PDS5B: variants seen among roughly 807,000 people sequenced by gnomAD.
PDS5B encodes PDS5 cohesin associated factor B.
Under a neutral mutation model 184.1 loss-of-function variants are expected in PDS5B, and 51 were observed. The ratio of observed to expected loss-of-function variants is 0.28; its 90% CI spans 0.22 to 0.35. The LOEUF (loss-of-function observed/expected upper bound fraction) is 0.35. PDS5B is among the 10% of genes least tolerant of loss of function. The pLI is 1.00. For synonymous variants in PDS5B, 566 were observed against 569.2 expected, an observed-to-expected ratio of 0.99 and a Z score of 0.08; for missense variants, 1,180 against 1,723.3, an observed-to-expected ratio of 0.68 and a Z score of 5.58.
At chr13:32,616,383 C>T (rs1485986454) in intron 1 of PDS5B, among the ~76,000 whole-genome samples, 1 of 152,116 alleles carries the variant, frequency 6.6e-6, no homozygotes, top group Non-Finnish European at 1.5e-5. Flanking sequence ...TTTTTTTATA[C>T]TTTAAAAACA....
chr13:32,698,172 A>T (rs1353531949), intron 15 of PDS5B, among the ~76,000 whole-genome samples: 1 of 151,918 alleles, frequency 6.6e-6, no homozygotes, highest in East Asian at 1.9e-4. Context: ...TTTCATTGTC[A>T]TATATGTTTA....
chr13:32,614,843 G>T lies in PDS5B; in HGVS notation c.-20+28250G>T, dbSNP rs141824751. On this transcript the variant is annotated intron_variant, in intron 1 of 34. Coordinates refer to ENST00000315596, the MANE Select transcript of PDS5B (RefSeq NM_015032.4). Reference sequence around the variant, plus strand: ...ACCTACTCATGTGACTGATTTTCTTGTATCTTCCTCTTAATCCTGTTGGAA... The same window carrying T: ...ACCTACTCATGTGACTGATTTTCTTTTATCTTCCTCTTAATCCTGTTGGAA... Among the ~76,000 whole-genome samples, 1,139 of 152,178 alleles carry T rather than the reference G, an allele frequency of 7.5e-3. 20 individuals are homozygous for T. The highest frequency in any genetic ancestry group is 0.025 in the African/African-American group (1,056 of 41,526).
chr13:32,656,348 GTAGT>G (rs1294713946), intron 3 of PDS5B, among the ~76,000 whole-genome samples: 1 of 133,782 alleles, frequency 7.5e-6, no homozygotes, highest in Non-Finnish European at 1.6e-5. Context: ...ACATTTTAAG[GTAGT>G]TTTTTCTAAT....
At chr13:32,631,676 TTGTGAAAATTAGGAGTTC>T (rs2058457968) in intron 1 of PDS5B, among the ~76,000 whole-genome samples, 1 of 152,224 alleles carries the variant, frequency 6.6e-6, no homozygotes, top group Non-Finnish European at 1.5e-5. Flanking sequence ...TGACAGTTTT[TTGTGAAAATTAGGAGTTC>T]TTACCTAAGT....
At chr13:32,635,811 A>G (rs1439085681) in intron 1 of PDS5B, among the ~76,000 whole-genome samples, 1 of 136,158 alleles carries the variant, frequency 7.3e-6, no homozygotes, top group African/African-American at 2.8e-5. Context: ...TCTGTCGCCC[A>G]GGCTGGAAGT....
chr13:32,607,688 CTGGGG>C (rs57394284), intron 1 of PDS5B, among the ~76,000 whole-genome samples: 51,109 of 151,774 alleles, frequency 0.34, 8,787 homozygotes, highest in Non-Finnish European at 0.37. Context: ...CCTCCTTTAG[CTGGGG>C]TGGGGTGGGC....
At chr13:32,663,332 A>G (rs1034354791) in intron 6 of PDS5B, among the ~76,000 whole-genome samples, 2 of 151,894 alleles carry the variant, frequency 1.3e-5, no homozygotes, top group African/African-American at 2.4e-5. Flanking sequence ...CAAGCAAGAA[A>G]AAAAAAAAAA....
chr13:32,735,629 A>T lies in PDS5B; in HGVS notation c.2406+299A>T, dbSNP rs538245709. The stretch of plus-strand genomic sequence containing the variant: ...AATTTTTGACAGGACATCTATTTTT[A>T]AAAATATGCAGATTGGTAAACCAGC... On this transcript the variant is annotated intron_variant, in intron 21 of 34. Transcript: ENST00000315596. Among the ~76,000 whole-genome samples, 6 of 152,286 alleles carry T rather than the reference A, an allele frequency of 3.9e-5. No individual in the cohort carries two copies. The East Asian group carries it at 1.2e-3, about 29-fold the overall frequency.
chr13:32,696,046 A>G (rs1264562891), intron 14 of PDS5B, among the ~76,000 whole-genome samples: 1 of 152,138 alleles, frequency 6.6e-6, no homozygotes, highest in Non-Finnish European at 1.5e-5. Context: ...GTTTCTAGAC[A>G]GCTGTTAGAT....
Position 32,618,574 on chromosome 13 carries a change from G to A in PDS5B, c.-19-30180G>A, listed in dbSNP as rs964625726. Reference sequence around the variant, plus strand: ...TATATGTTTTGGGCATCCACTGGTGGTCCTGGAGAAGGTCACATACCTTCT... The same window carrying A: ...TATATGTTTTGGGCATCCACTGGTGATCCTGGAGAAGGTCACATACCTTCT... On this transcript the variant is annotated intron_variant, in intron 1 of 34. Coordinates refer to ENST00000315596, the MANE Select transcript of PDS5B (RefSeq NM_015032.4). Among the ~76,000 whole-genome samples, 5 of 152,084 alleles carry A rather than the reference G, an allele frequency of 3.3e-5. No individual in the cohort carries two copies. The East Asian group carries it at 9.6e-4, about 29-fold the overall frequency.
At chr13:32,757,596 A>G (rs561055911) in intron 26 of PDS5B, among the ~76,000 whole-genome samples, 29 of 152,326 alleles carry the variant, frequency 1.9e-4, no homozygotes, top group Non-Finnish European at 2.9e-4. Flanking sequence ...AGCAAAGACA[A>G]TGCTTATAAT....
intron 1 of PDS5B, among the ~76,000 whole-genome samples, chr13:32,641,492 A>G (rs1165768249): frequency 6.6e-6 from 1 of 152,266 alleles, no homozygotes; most frequent in Admixed American, 6.5e-5. Flanking sequence ...GATCATCACT[A>G]TATGTCACCC....
chr13:32,596,456 T>C (rs1593233438), intron 1 of PDS5B, among the ~76,000 whole-genome samples: 1 of 152,234 alleles, frequency 6.6e-6, no homozygotes, highest in South Asian at 2.1e-4. Flanking sequence ...TTGACTATTA[T>C]GAATAAGGCC....
intron 1 of PDS5B, among the ~76,000 whole-genome samples, chr13:32,641,919 G>A (rs1372524103): frequency 6.6e-6 from 1 of 151,948 alleles, no homozygotes; most frequent in African/African-American, 2.4e-5. Flanking sequence ...CCATTACAAC[G>A]AGGGCAGAGC....
intron 1 of PDS5B, among the ~76,000 whole-genome samples, chr13:32,637,901 AGACT>A (rs2058589381): frequency 6.6e-6 from 1 of 152,206 alleles, no homozygotes; most frequent in Admixed American, 6.5e-5. Flanking sequence ...AATCACCCGA[AGACT>A]GACTTACTGA....
chr13:32,648,540 C>G (rs989123318), intron 1 of PDS5B, among the ~76,000 whole-genome samples: 1 of 151,726 alleles, frequency 6.6e-6, no homozygotes, highest in Non-Finnish European at 1.5e-5. Flanking sequence ...ACAAAGCTTG[C>G]CACTGAGGAA....
intron 1 of PDS5B, among the ~76,000 whole-genome samples, chr13:32,592,501 C>T (rs1314338236): frequency 6.6e-6 from 1 of 152,120 alleles, no homozygotes; most frequent in Non-Finnish European, 1.5e-5. Flanking sequence ...AGGTGATCTG[C>T]CCGCCTTGGC....
chr13:32,665,588 C>CAAAAA (rs34604938), intron 6 of PDS5B, among the ~76,000 whole-genome samples: 810 of 25,814 alleles, frequency 0.031, 69 homozygotes, highest in Middle Eastern at 0.045. Context: ...GACTCCGACT[C>CAAAAA]AAAAAAAAAA....
At chr13:32,731,645 T>C (rs1953126033) in intron 19 of PDS5B, among the ~76,000 whole-genome samples, 2 of 152,182 alleles carry the variant, frequency 1.3e-5, no homozygotes, top group Admixed American at 6.5e-5. Flanking sequence ...TAATATTGCT[T>C]AATAAGCATT....
Sources: gnomAD v4.1 joint callset for allele counts (sites outside exome capture counted in the v4.1 genomes callset) on GRCh38, gnomAD v4.1.1 for gene constraint, MANE v1.5 for transcripts, NCBI Gene and HGNC (gene_info 2026-07-23, HGNC 2026-07-21) for gene names.